VCL: variants seen among roughly 807,000 people sequenced by gnomAD.
The protein encoded by VCL is epididymis luminal protein 114.
VCL carries 47 observed loss-of-function variants against 125.7 expected under a neutral mutation model. The ratio of observed to expected loss-of-function variants is 0.37; its 90% confidence interval spans 0.30 to 0.48. VCL has a LOEUF of 0.48. VCL is among the 20% of genes least tolerant of loss of function. The probability of loss-of-function intolerance (pLI) is 0.99; values close to 1 mark genes in which losing one functional copy is unlikely to be tolerated. For missense variants in VCL, 1,069 were observed against 1,455.5 expected, an observed-to-expected ratio of 0.73 and a Z score of 4.32; for synonymous variants, 458 against 514.6, an observed-to-expected ratio of 0.89 and a Z score of 1.49.
intron 19 of VCL, 74 bp from the exon 20 acceptor site, chr10:74,114,107 TCTC>T: frequency 6.4e-7 from 1 of 1,573,754 alleles, no homozygotes; most frequent in Non-Finnish European, 8.7e-7. Flanking sequence ...TCCCTCCTCT[TCTC>T]TGTGCTTCTC....
intron 1 of VCL, among the ~76,000 whole-genome samples, chr10:74,032,255 A>AG (rs1554813951): frequency 5.3e-5 from 8 of 150,260 alleles, no homozygotes; most frequent in Admixed American, 2.6e-4. Flanking sequence ...AAAAAAAAAA[A>AG]AAAAAGAAAA....
Position 74,070,710 on chromosome 10 carries a change from A to G in VCL, c.280A>G (p.Met94Val). ...CACCAAGCTTGTCCAGGCAGCTCAGATGCTTCAGTCAGACCCTTACTCAGT... is the reference window on the plus strand; with the variant it reads ...CACCAAGCTTGTCCAGGCAGCTCAGGTGCTTCAGTCAGACCCTTACTCAGT... ...ACTKLVQAAQ[M>V]LQSDPYSVPA... Residue 94 changes from methionine to valine, a missense_variant, in exon 3 of 22, where the codon ATG (methionine) becomes GTG (valine). Transcript: ENST00000211998. 6.2e-7 allele frequency: 1 copy of G among 1,614,146 alleles called. No individual in the cohort carries two copies. Among genetic ancestry groups the G allele is most frequent in the Middle Eastern group, 1.7e-4 (1 of 6,058 alleles).
intron 2 of VCL, chr10:74,063,820 G>A (rs376919750): frequency 2.0e-5 from 3 of 152,178 alleles, no homozygotes; most frequent in African/African-American, 7.2e-5. Flanking sequence ...AAGTGTTGAT[G>A]TATATAATAA....
Position 74,074,780 on chromosome 10 carries a change from C to T in VCL, c.660C>T (p.Asn220=), listed in dbSNP as rs56264452. The part of the protein sequence containing the change: ...KIFVTTKNSK[N]QGIEEALKNR... ...TTGTAACAACTAAAAACTCAAAAAA[C>T]CAAGGCATAGAGGAAGCTTTAAAAA... The change falls in exon 6 of 22, where the codon AAC becomes AAT. Residue 220 remains asparagine (N), a synonymous_variant. Transcript: ENST00000211998. The T allele has an allele frequency of 1.8e-3, 2,900 of 1,613,478 alleles. 4 individuals are homozygous for T. The highest frequency in any genetic ancestry group is 2.3e-3 in the Non-Finnish European group (2,675 of 1,179,850).
At chr10:74,087,219 G>GTA (rs942507997) in intron 8 of VCL, among the ~76,000 whole-genome samples, 3 of 151,144 alleles carry the variant, frequency 2.0e-5, no homozygotes, top group East Asian at 1.9e-4. Flanking sequence ...AGGAAAAAGT[G>GTA]TATATATACC....
intron 1 of VCL, among the ~76,000 whole-genome samples, chr10:74,032,710 AT>A (rs398046080): frequency 0.092 from 12,315 of 134,330 alleles, 1,275 homozygotes; most frequent in African/African-American, 0.28. Flanking sequence ...AAAAAAAAAA[AT>A]ATATATATAT....
At chr10:74,053,800 A>G (rs1041198398) in intron 2 of VCL, among the ~76,000 whole-genome samples, 5 of 152,004 alleles carry the variant, frequency 3.3e-5, no homozygotes, top group Admixed American at 6.6e-5. Context: ...TAGTAGAGAC[A>G]GGGTTTCACT....
At chr10:74,069,042 G>GTT (rs1027244273) in intron 2 of VCL, among the ~76,000 whole-genome samples, 1 of 145,394 alleles carries the variant, frequency 6.9e-6, no homozygotes, top group Admixed American at 6.9e-5. Context: ...ACTGCCTTAT[G>GTT]TTTTTTTTTT....
chr10:74,020,597 T>G (rs1191680180), intron 1 of VCL, among the ~76,000 whole-genome samples: 1 of 151,992 alleles, frequency 6.6e-6, no homozygotes, highest in African/African-American at 2.4e-5. Flanking sequence ...TCCCAACACC[T>G]TGGGAGACCG....
intron 1 of VCL, among the ~76,000 whole-genome samples, chr10:74,030,955 C>T (rs1038316411): frequency 6.6e-5 from 10 of 152,084 alleles, no homozygotes; most frequent in African/African-American, 2.4e-4. Flanking sequence ...CCATCCTTGC[C>T]CCAAATTCTA....
At position 74,101,122 on chromosome 10, in the gene VCL, C is replaced by A. The variant is rs375304891; in HGVS notation, c.2022+25C>A. On this transcript the variant is annotated intron_variant, in intron 14 of 21. Transcript: ENST00000211998. ...GGTTGGGTTTTGCTCATTCCTCATA[C>A]AGTGTTCAGTAAAGAAAGTTAATTA... The A allele has an allele frequency of 5.3e-4, 851 of 1,609,366 alleles. No individual in the cohort carries two copies. In the African/African-American group the frequency reaches 5.8e-3, roughly 11 times the overall value.
At chr10:74,091,881 T>C (rs370719619) in intron 10 of VCL, among the ~76,000 whole-genome samples, 3 of 151,096 alleles carry the variant, frequency 2.0e-5, no homozygotes, top group East Asian at 1.9e-4. Flanking sequence ...GGATGGGCTA[T>C]TATTTTTATT....
chr10:74,000,803 C>A (rs910343536), intron 1 of VCL, among the ~76,000 whole-genome samples: 1 of 152,014 alleles, frequency 6.6e-6, no homozygotes, highest in Non-Finnish European at 1.5e-5. Flanking sequence ...GAGACAAATA[C>A]AAAAGAAATA....
At chr10:74,079,348 A>G (rs1169723157) in intron 6 of VCL, among the ~76,000 whole-genome samples, 1 of 152,180 alleles carries the variant, frequency 6.6e-6, no homozygotes, top group Non-Finnish European at 1.5e-5. Flanking sequence ...AACAAACCAA[A>G]AACAGATAAG....
At chr10:74,038,701 G>A (rs1342105308) in intron 1 of VCL, among the ~76,000 whole-genome samples, 1 of 152,040 alleles carries the variant, frequency 6.6e-6, no homozygotes, top group Non-Finnish European at 1.5e-5. Context: ...TTACAAAGAG[G>A]CATCAATTAA....
At chr10:74,095,569 G>T in intron 11 of VCL, 87 bp from the exon 12 acceptor site, 1 of 1,568,368 alleles carries the variant, frequency 6.4e-7, no homozygotes, top group Admixed American at 1.7e-5. Flanking sequence ...TTGGGTGATA[G>T]AGCAAGACGC....
intron 1 of VCL, among the ~76,000 whole-genome samples, chr10:74,019,740 A>T (rs911492168): frequency 1.1e-4 from 16 of 152,234 alleles, no homozygotes; most frequent in African/African-American, 3.9e-4. Flanking sequence ...CTCGATTTTG[A>T]AAATGAATCA....
At chr10:74,015,045 CTT>C (rs1392049898) in intron 1 of VCL, among the ~76,000 whole-genome samples, 4 of 152,034 alleles carry the variant, frequency 2.6e-5, no homozygotes, top group Admixed American at 6.6e-5. Flanking sequence ...CTTAATTTCT[CTT>C]GTCTGAAAAA....
At chr10:74,094,218 C>A in intron 10 of VCL, 53 bp from the exon 11 acceptor site, 2 of 1,606,766 alleles carry the variant, frequency 1.2e-6, no homozygotes, top group Non-Finnish European at 1.7e-6. Flanking sequence ...GCTAAGTGAT[C>A]TCAATGTAAA....
Sources: allele counts gnomAD v4.1 joint callset (sites outside exome capture counted in the v4.1 genomes callset), GRCh38; gene constraint gnomAD v4.1.1; transcripts MANE v1.5; gene names NCBI Gene and HGNC (gene_info 2026-07-23, HGNC 2026-07-21).